The following METTL4 variants were observed in gnomAD, a reference collection of about 807,000 sequenced individuals.
The protein encoded by METTL4 is N(6)-adenine-specific methyltransferase METTL4.
A neutral mutation model predicts 54.0 loss-of-function variants in METTL4; 40 were observed. The observed-to-expected ratio is 0.74, with a 90% CI of 0.58 to 0.96. The LOEUF is 0.96. Ranked by LOEUF, METTL4 falls within the 50% of genes least tolerant of loss-of-function variation. The pLI is 0.00. For missense variants in METTL4, 525 were observed against 549.0 expected, an observed-to-expected ratio of 0.96 and a Z score of 0.44; for synonymous variants, 169 against 183.8, an observed-to-expected ratio of 0.92 and a Z score of 0.65.
intron 2 of METTL4, among the ~76,000 whole-genome samples, chr18:2,564,218 A>G (rs1377119583): frequency 6.6e-6 from 1 of 150,888 alleles, no homozygotes; most frequent in Non-Finnish European, 1.5e-5. Context: ...CCCGGCTAAC[A>G]TGGTGAAACC....
intron 3 of METTL4, among the ~76,000 whole-genome samples, chr18:2,558,221 A>T (rs1409420058): frequency 6.6e-6 from 1 of 152,202 alleles, no homozygotes; most frequent in Non-Finnish European, 1.5e-5. Flanking sequence ...GCTGGGCCAT[A>T]AAACAAGGTT....
intron 3 of METTL4, chr18:2,555,539 A>G (rs28433077): frequency 0.1 from 15,684 of 152,464 alleles, 1,438 homozygotes; most frequent in African/African-American, 0.24. Context: ...AGTTTAAATC[A>G]CAACACTTAA....
At chr18:2,554,420 A>G (rs1235403624) in intron 4 of METTL4, 2 of 407,940 alleles carry the variant, frequency 4.9e-6, no homozygotes, top group East Asian at 9.0e-5. Context: ...CGAATTCCTA[A>G]GTACAGAGAA....
In METTL4 at chr18:2,562,607, T is replaced by C. The variant is rs191629841; in HGVS notation, c.459+1190A>G. ...TTATTCGCCCTTAAAAAGGAAATTC[T>C]GATAAATGCTACAACATGGATGAAC... On this transcript the variant is annotated intron_variant, in intron 3 of 8. Transcript: ENST00000574538. Among the ~76,000 whole-genome samples the C allele has an allele frequency of 1.5e-3, 233 of 152,338 alleles. 2 individuals carry two copies. Among genetic ancestry groups the C allele is most frequent in the African/African-American group, 5.2e-3 (216 of 41,582 alleles).
Position 2,537,681 on chromosome 18 carries a change from A to G in METTL4, c.*1319T>C. 2.5e-6 allele frequency: 1 copy of G among 393,662 alleles called. No homozygotes were observed. Among genetic ancestry groups the G allele is most frequent in the East Asian group, 3.6e-5 (1 of 27,822 alleles). The allele number at this position is 393,662 out of a possible 1,614,324, so 24.4% of individuals were successfully genotyped here. ...AAATAACATATTTTTCTTTGACAAA[A>G]TCAGTAAATTGGCAAGCTTGTCAAA... is the stretch of plus-strand genomic sequence containing the variant. On this transcript the variant is annotated 3_prime_UTR_variant, in exon 9 of 9. Transcript: ENST00000574538.
chr18:2,571,160 T>G lies in METTL4; in HGVS notation c.-450A>C, dbSNP rs2143620019. 2 of 152,560 alleles carry G rather than the reference T, an allele frequency of 1.3e-5. No homozygotes were observed. The highest frequency in any genetic ancestry group is 4.8e-5 in the African/African-American group (2 of 41,548). 9.5% of individuals were successfully genotyped at this position (152,560 alleles called of 1,614,324 possible). A position where few individuals can be genotyped will look rare whatever the true frequency, so the allele number is the denominator to read the frequency against. On this transcript the variant is annotated 5_prime_UTR_variant, in exon 1 of 9. Coordinates refer to ENST00000574538, the MANE Select transcript of METTL4 (RefSeq NM_022840.5). ...CTCTCCCACCTCACCTCTTCCCTTG[T>G]CAGAAAAGCGGACGCCGCCTTCCCA...
At chr18:2,545,806 T>C (rs2072061466) in intron 6 of METTL4, among the ~76,000 whole-genome samples, 2 of 152,076 alleles carry the variant, frequency 1.3e-5, no homozygotes, top group African/African-American at 4.8e-5. Context: ...TCAATGCACA[T>C]TACCCCTCCT....
Position 2,540,510 on chromosome 18 carries a change from A to C in METTL4, c.1274-1365T>G, listed in dbSNP as rs73938956. On this transcript the variant is annotated intron_variant, in intron 8 of 8. Coordinates refer to ENST00000574538, the MANE Select transcript of METTL4 (RefSeq NM_022840.5). ...GCAAAATACTTGTTCATCTGTCAGA[A>C]AGTACTGGTCCTGTTTAGCAAAAAT... The C allele has an allele frequency of 3.2e-3, 3,202 of 985,320 alleles. 49 individuals carry two copies. The South Asian group carries it at 0.039, about 12-fold the overall frequency. The allele number at this position is 985,320 out of a possible 1,614,324, so 61.0% of individuals were successfully genotyped here.
At chr18:2,553,012 C>A (rs1598348792) in intron 4 of METTL4, 1 of 392,104 alleles carries the variant, frequency 2.6e-6, no homozygotes. Context: ...CTGCAGATGA[C>A]TACAGCTCAG....
chr18:2,553,020 C>T (rs2072186236), intron 4 of METTL4: 1 of 365,504 alleles, frequency 2.7e-6, no homozygotes, highest in Non-Finnish European at 4.9e-6. Flanking sequence ...GACTACAGCT[C>T]AGTAAGCTGA....
Position 2,554,653 on chromosome 18 carries a change from C to T in METTL4, c.829+16G>A. 1 of 1,577,494 alleles carries T rather than the reference C, an allele frequency of 6.3e-7. No homozygotes were observed. The highest frequency in any genetic ancestry group is 1.2e-5 in the South Asian group (1 of 85,066). On this transcript the variant is annotated intron_variant, in intron 4 of 8. Transcript: ENST00000574538. Reference sequence around the variant, plus strand: ...AAAATTATCTTTTTCTAATAACAAACACAATAATTACTTACAGTTTAGAAG... The same window carrying T: ...AAAATTATCTTTTTCTAATAACAAATACAATAATTACTTACAGTTTAGAAG...
chr18:2,538,958 G>A lies in METTL4; in HGVS notation c.*42C>T, dbSNP rs1434135147. The A allele has an allele frequency of 6.3e-6, 10 of 1,583,252 alleles. No homozygotes were observed. The highest frequency in any genetic ancestry group is 8.6e-6 in the Non-Finnish European group (10 of 1,162,642). The stretch of plus-strand genomic sequence containing the variant: ...GACTTAGAATTAAGGGAAAAGTGGT[G>A]AGGAAACAATGAAGAAACCACTACT... On this transcript the variant is annotated 3_prime_UTR_variant, in exon 9 of 9. Coordinates refer to ENST00000574538, the MANE Select transcript of METTL4 (RefSeq NM_022840.5).
Position 2,538,505 on chromosome 18 carries a change from GCCA to G in METTL4, c.*492_*494del, listed in dbSNP as rs1453926647. The G allele has an allele frequency of 5.2e-5, 8 of 153,746 alleles. No homozygotes were observed. Among genetic ancestry groups the G allele is most frequent in the African/African-American group, 1.9e-4 (8 of 41,486 alleles). 9.5% of individuals were successfully genotyped at this position (153,746 alleles called of 1,614,324 possible). A position where few individuals can be genotyped will look rare whatever the true frequency, so the allele number is the denominator to read the frequency against. ...AGAGCACAAGGCTCTTCCCAAGTGA[GCCA>G]CCACCGCTTGGTCCTGCAGACTGAT... is the stretch of plus-strand genomic sequence containing the variant. On this transcript the variant is annotated 3_prime_UTR_variant, in exon 9 of 9. Coordinates refer to ENST00000574538, the MANE Select transcript of METTL4 (RefSeq NM_022840.5).
chr18:2,539,359 C>G (rs1394158097), intron 8 of METTL4, among the ~76,000 whole-genome samples: 1 of 152,130 alleles, frequency 6.6e-6, no homozygotes, highest in African/African-American at 2.4e-5. Context: ...ATCTGAACTT[C>G]CATAGTCCTG....
rs556142312 is a variant in METTL4 at position 2,538,806 on chromosome 18, T to C, written c.*194A>G. ...TTGTATAGTCTAGAATAACATAGAA[T>C]GTTAGTGCAACTCAAGTAAAATTCA... On this transcript the variant is annotated 3_prime_UTR_variant, in exon 9 of 9. Transcript: ENST00000574538. 20 of 582,294 alleles carry C rather than the reference T, an allele frequency of 3.4e-5. No homozygotes were observed. In the African/African-American group the frequency reaches 3.7e-4, roughly 11 times the overall value. 36.1% of individuals were successfully genotyped at this position (582,294 alleles called of 1,614,324 possible). A position where few individuals can be genotyped will look rare whatever the true frequency, so the allele number is the denominator to read the frequency against.
rs756473730 is a variant in METTL4, at chr18:2,566,834, G to A, written c.383C>T (p.Ser128Phe). ...AAAACTTTCTACCTTCCCAATAATA[G>A]AAATGGAGATTTCTTTTTTAACACC... Reference protein sequence around the residue: ...MNGVKKEISISIIGKKRKRCV... With the variant: ...MNGVKKEISIFIIGKKRKRCV... Residue 128 changes from serine (S) to phenylalanine (F), a missense_variant, in exon 2 of 9, where the codon TCT (serine) becomes TTT (phenylalanine). Physicochemically the swap from Ser to Phe is radical, Grantham distance 155. Coordinates refer to ENST00000574538, the MANE Select transcript of METTL4 (RefSeq NM_022840.5). The A allele has an allele frequency of 4.5e-6, 7 of 1,563,984 alleles. No homozygotes were observed. In the South Asian group the frequency reaches 8.4e-5, roughly 19 times the overall value.
intron 5 of METTL4, among the ~76,000 whole-genome samples, chr18:2,548,862 C>T (rs2072110729): frequency 6.6e-6 from 1 of 152,194 alleles, no homozygotes; most frequent in African/African-American, 2.4e-5. Context: ...TGCAAACCTC[C>T]CATCTTAAAT....
intron 4 of METTL4, chr18:2,554,342 A>T (rs952888432): frequency 4.6e-6 from 1 of 215,944 alleles, no homozygotes; most frequent in Non-Finnish European, 8.8e-6. Context: ...TTCATAACTG[A>T]AGTGTTTCTA....
chr18:2,540,359 G>T (rs780881952), intron 8 of METTL4: 1 of 978,398 alleles, frequency 1.0e-6, no homozygotes, highest in Non-Finnish European at 1.2e-6. Context: ...GTAAGATTGC[G>T]CTTGGAAGAA....
Sources: allele counts gnomAD v4.1 joint callset (sites outside exome capture counted in the v4.1 genomes callset), GRCh38; gene constraint gnomAD v4.1.1; transcripts MANE v1.5; gene names NCBI Gene and HGNC (gene_info 2026-07-23, HGNC 2026-07-21).